Variants in RAB27B observed in about 807,000 individuals in gnomAD.
RAB27B encodes the protein RAB27B, member RAS oncogene family, also known as ras-related protein Rab-27B.
In RAB27B, 15 loss-of-function variants were observed where a neutral mutation model predicts 24.6. That is an observed-to-expected ratio of 0.61 (90% CI 0.41 to 0.94). The LOEUF is 0.94. Ranked by LOEUF, RAB27B falls within the 40% of genes least tolerant of loss-of-function variation. RAB27B has a pLI of 0.00. For missense variants in RAB27B, 261 were observed against 266.8 expected (o/e 0.98, Z 0.15); for synonymous variants, 105 against 92.5 (o/e 1.14, Z -0.78).
At chr18:54,801,510 A>G (rs1221418415) in intron 2 of RAB27B, among the ~76,000 whole-genome samples, 2 of 152,114 alleles carry the variant, frequency 1.3e-5, no homozygotes, top group African/African-American at 2.4e-5. Context: ...CTATTGCTTC[A>G]TGGCCAGGTT....
At chr18:54,810,532 G>T (rs754300551) in intron 2 of RAB27B, among the ~76,000 whole-genome samples, 40 of 151,868 alleles carry the variant, frequency 2.6e-4, no homozygotes, top group Non-Finnish European at 3.5e-4. Context: ...TTGAATGAAT[G>T]AATTAAAAAA....
chr18:54,720,744 G>A (rs1484182420), intron 2 of RAB27B, among the ~76,000 whole-genome samples: 3 of 152,018 alleles, frequency 2.0e-5, no homozygotes, highest in Non-Finnish European at 4.4e-5. Context: ...TAGACCTGTG[G>A]GAGACAGTGT....
intron 2 of RAB27B, among the ~76,000 whole-genome samples, chr18:54,821,222 A>G (rs1910299719): frequency 6.6e-6 from 1 of 152,220 alleles, no homozygotes; most frequent in South Asian, 2.1e-4. Flanking sequence ...AAAAATAACA[A>G]GCATTCTTAT....
At chr18:54,769,415 C>A (rs1473454287) in intron 2 of RAB27B, among the ~76,000 whole-genome samples, 1 of 151,568 alleles carries the variant, frequency 6.6e-6, no homozygotes, top group African/African-American at 2.4e-5. Flanking sequence ...ATTTGATCTT[C>A]TAGAAATAGC....
At chr18:54,742,315 C>T (rs368418758) in intron 2 of RAB27B, among the ~76,000 whole-genome samples, 8 of 152,074 alleles carry the variant, frequency 5.3e-5, no homozygotes, top group South Asian at 4.2e-4. Flanking sequence ...ATCGTACATG[C>T]GGTTTATTTG....
Position 54,889,565 on chromosome 18 carries a change from A to C in RAB27B, c.*152A>C. On this transcript the variant is annotated 3_prime_UTR_variant, in exon 6 of 6. Transcript: ENST00000262094. ...TCTATTTTAAGAAACCAGAATAGTC[A>C]ACAGTGTTCAAAAGAATTGACTAGT... is the stretch of plus-strand genomic sequence containing the variant. 1.4e-6 allele frequency: 1 copy of C among 709,342 alleles called. No homozygotes were observed. The highest frequency in any genetic ancestry group is 2.2e-6 in the Non-Finnish European group (1 of 452,908). 43.9% of individuals were successfully genotyped at this position (709,342 alleles called of 1,614,324 possible).
In RAB27B at chr18:54,889,433, C is replaced by T. The variant is rs200604446; in HGVS notation, c.*20C>T. 46 of 1,577,846 alleles carry T rather than the reference C, an allele frequency of 2.9e-5. No individual in the cohort carries two copies. In the African/African-American group the frequency reaches 5.7e-4, roughly 20 times the overall value. ...TGCTAGACTCTACATAGAAACTGAA[C>T]ATCAAGAACCCCACCAAAATATTAC... On this transcript the variant is annotated 3_prime_UTR_variant, in exon 6 of 6. Transcript: ENST00000262094.
chr18:54,889,507 A>G lies in RAB27B; in HGVS notation c.*94A>G. 9.0e-7 allele frequency: 1 copy of G among 1,105,698 alleles called. No individual in the cohort carries two copies. Among genetic ancestry groups the G allele is most frequent in the Non-Finnish European group, 1.3e-6 (1 of 794,952 alleles). 68.5% of individuals were successfully genotyped at this position (1,105,698 alleles called of 1,614,324 possible). A position where few individuals can be genotyped will look rare whatever the true frequency, so the allele number is the denominator to read the frequency against. On this transcript the variant is annotated 3_prime_UTR_variant, in exon 6 of 6. Transcript: ENST00000262094. ...ACAATTGTTGTTGAGTAAACCACGC[A>G]CAATGGCATGTCTTTCTTTTTCTGC...
At chr18:54,879,717 G>A in intron 3 of RAB27B, 1 of 331,528 alleles carries the variant, frequency 3.0e-6, no homozygotes. Flanking sequence ...GCACTTCTTA[G>A]AAGGAAAAAA....
intron 2 of RAB27B, among the ~76,000 whole-genome samples, chr18:54,753,463 A>T (rs182232221): frequency 2.4e-4 from 37 of 152,314 alleles, no homozygotes; most frequent in Middle Eastern, 6.8e-3. Context: ...CTGTGAGGGT[A>T]AAATCAGATA....
At chr18:54,800,801 G>A (rs1045810425) in intron 2 of RAB27B, among the ~76,000 whole-genome samples, 11 of 151,870 alleles carry the variant, frequency 7.2e-5, no homozygotes, top group African/African-American at 2.7e-4. Context: ...GGTTATTACT[G>A]TTATTATAAT....
At chr18:54,817,297 A>C (rs1398379193) in intron 2 of RAB27B, among the ~76,000 whole-genome samples, 2 of 152,224 alleles carry the variant, frequency 1.3e-5, no homozygotes, top group African/African-American at 4.8e-5. Context: ...AGATGAATTT[A>C]TCACGTATCT....
intron 2 of RAB27B, among the ~76,000 whole-genome samples, chr18:54,763,251 A>C (rs1280703638): frequency 6.6e-6 from 1 of 152,162 alleles, no homozygotes; most frequent in Non-Finnish European, 1.5e-5. Flanking sequence ...TTAGTGTTTG[A>C]AATATTTTAA....
At chr18:54,873,315 G>A (rs899631083) in intron 1 of RAB27B, among the ~76,000 whole-genome samples, 1 of 152,072 alleles carries the variant, frequency 6.6e-6, no homozygotes, top group Non-Finnish European at 1.5e-5. Context: ...TCCCATGAAG[G>A]GCTTGTCTGT....
At chr18:54,773,040 C>T (rs567984306) in intron 2 of RAB27B, among the ~76,000 whole-genome samples, 2 of 151,548 alleles carry the variant, frequency 1.3e-5, no homozygotes, top group African/African-American at 4.8e-5. Context: ...GATCAATTGC[C>T]ATGCCTATAC....
At position 54,855,661 on chromosome 18, in the gene RAB27B, A is replaced by G. The variant is rs190554389; in HGVS notation, c.-19-21906A>G. Among the ~76,000 whole-genome samples the G allele has an allele frequency of 3.7e-3, 557 of 152,314 alleles. 2 individuals carry two copies. The highest frequency in any genetic ancestry group is 6.3e-3 in the Non-Finnish European group (430 of 68,036). On this transcript the variant is annotated intron_variant, in intron 1 of 5. Coordinates refer to ENST00000262094, the MANE Select transcript of RAB27B (RefSeq NM_004163.4). ...TTCTGAAAACCACAGAAGCAAAAGT[A>G]GGTGTTCAGTAATTTACTGTCTTAA...
At chr18:54,850,321 GCAAA>G (rs148786383) in intron 1 of RAB27B, among the ~76,000 whole-genome samples, 5,310 of 77,180 alleles carry the variant, frequency 0.069, 602 homozygotes, top group African/African-American at 0.25. Context: ...TTATTTAAAA[GCAAA>G]CAAACAGGAT....
At chr18:54,825,984 T>C (rs1375533967), upstream of RAB27B, among the ~76,000 whole-genome samples, 1 of 152,250 alleles carries the variant, frequency 6.6e-6, no homozygotes, top group East Asian at 1.9e-4. Flanking sequence ...TCCTCTGCTC[T>C]TCCAAATCAG....
chr18:54,875,684 C>T (rs1282126679), intron 1 of RAB27B, among the ~76,000 whole-genome samples: 1 of 152,006 alleles, frequency 6.6e-6, no homozygotes, highest in Non-Finnish European at 1.5e-5. Flanking sequence ...CCTCAAAAAG[C>T]ATTAATTCAT....
Sources: gnomAD v4.1 joint callset for allele counts (sites outside exome capture counted in the v4.1 genomes callset) on GRCh38, gnomAD v4.1.1 for gene constraint, MANE v1.5 for transcripts, NCBI Gene and HGNC (gene_info 2026-07-23, HGNC 2026-07-21) for gene names.